Variants in MEGF10 observed in about 807,000 individuals in gnomAD.
MEGF10 encodes the protein multiple epidermal growth factor-like domains protein 10.
Under a neutral mutation model 147.5 loss-of-function variants are expected in MEGF10, and 86 were observed. The observed-to-expected ratio is 0.58, with a 90% CI of 0.49 to 0.70. MEGF10 has a LOEUF of 0.70. Among genes scored for constraint, MEGF10 ranks in the 30% least tolerant of loss-of-function variants. MEGF10 has a pLI of 0.00. For missense variants in MEGF10, 1,329 were observed against 1,487.3 expected (o/e 0.89, Z 1.75); for synonymous variants, 478 against 525.5 (o/e 0.91, Z 1.24).
Position 127,296,496 on chromosome 5 carries a change from A to T in MEGF10, c.-19+5440A>T, listed in dbSNP as rs140756978. ...TATGGAAAACCTCATCTTGATAGGT[A>T]CATGTGCAGGATATTAGCATCTGTT... On this transcript the variant is annotated intron_variant, in intron 1 of 24. Transcript: ENST00000503335. 3.9e-5 allele frequency among the ~76,000 whole-genome samples: 6 copies of T among 152,336 alleles called. No homozygotes were observed. The East Asian group carries it at 9.6e-4, about 24-fold the overall frequency.
At chr5:127,348,838 C>G (rs1203536433) in intron 4 of MEGF10, among the ~76,000 whole-genome samples, 1 of 152,078 alleles carries the variant, frequency 6.6e-6, no homozygotes, top group Non-Finnish European at 1.5e-5. Flanking sequence ...TTAAATAATT[C>G]AGCTTCCAGG....
intron 1 of MEGF10, among the ~76,000 whole-genome samples, chr5:127,301,152 C>T (rs555194339): frequency 2.6e-5 from 4 of 152,224 alleles, no homozygotes; most frequent in Non-Finnish European, 5.9e-5. Context: ...CTCCGTCACT[C>T]ATTTCCACTG....
chr5:127,417,127 T>G (rs539771987), intron 9 of MEGF10, among the ~76,000 whole-genome samples: 1 of 152,240 alleles, frequency 6.6e-6, no homozygotes, highest in Non-Finnish European at 1.5e-5. Flanking sequence ...GATATGTCCA[T>G]TTGCTATGGA....
rs137921923 is a variant in MEGF10 at position 127,320,094 on chromosome 5, G to A, written c.-18-11197G>A. Among the ~76,000 whole-genome samples the A allele has an allele frequency of 1.2e-3, 180 of 152,286 alleles. 1 individual carries two copies. Among genetic ancestry groups the A allele is most frequent in the African/African-American group, 4.2e-3 (173 of 41,574 alleles). ...GGCATTCTGGAGGTTTATAAGAAAA[G>A]CAAAGAGAAAATATCACTCTCATTA... On this transcript the variant is annotated intron_variant, in intron 1 of 24. Coordinates refer to ENST00000503335, the MANE Select transcript of MEGF10 (RefSeq NM_001256545.2).
chr5:127,356,910 C>G (rs545690517), intron 4 of MEGF10, among the ~76,000 whole-genome samples: 1 of 152,264 alleles, frequency 6.6e-6, no homozygotes, highest in East Asian at 1.9e-4. Context: ...CTTTTTTGAC[C>G]ATGGAATTCC....
At chr5:127,243,848 A>T in the MEGF10 span, among the ~76,000 whole-genome samples, 1 of 152,272 alleles carries the variant, frequency 6.6e-6, no homozygotes, top group Non-Finnish European at 1.5e-5. Flanking sequence ...AAAAATCACC[A>T]GTCAAAATCT....
intron 1 of MEGF10, among the ~76,000 whole-genome samples, chr5:127,329,618 C>T (rs548253095): frequency 2.0e-5 from 3 of 151,868 alleles, no homozygotes; most frequent in South Asian, 4.2e-4. Context: ...ATATTAAAAA[C>T]TTCTTGGCAT....
At chr5:127,264,823 T>TC in the MEGF10 span, among the ~76,000 whole-genome samples, 1 of 152,176 alleles carries the variant, frequency 6.6e-6, no homozygotes, top group African/African-American at 2.4e-5. Flanking sequence ...ACTTTTTTTT[T>TC]CATTTCTGGG....
At chr5:127,395,048 T>A (rs983440283) in intron 5 of MEGF10, among the ~76,000 whole-genome samples, 6 of 152,222 alleles carry the variant, frequency 3.9e-5, no homozygotes, top group Non-Finnish European at 8.8e-5. Context: ...TCTGTTGAAG[T>A]TACAAAATTT....
At chr5:127,413,505 T>C (rs567073655) in intron 9 of MEGF10, among the ~76,000 whole-genome samples, 2 of 152,340 alleles carry the variant, frequency 1.3e-5, no homozygotes, top group South Asian at 4.1e-4. Flanking sequence ...TTATATAGTA[T>C]TGGACTTTTG....
intron 1 of MEGF10, among the ~76,000 whole-genome samples, chr5:127,324,016 T>C (rs539309137): frequency 1.3e-5 from 2 of 152,180 alleles, no homozygotes; most frequent in Admixed American, 1.3e-4. Flanking sequence ...AAGTTTATCA[T>C]TTTTGTAATA....
chr5:127,269,628 G>T, the MEGF10 span, among the ~76,000 whole-genome samples: 2 of 152,214 alleles, frequency 1.3e-5, no homozygotes, highest in East Asian at 3.8e-4. Context: ...GTACCTGAAA[G>T]TGATGGAGAG....
intron 13 of MEGF10, among the ~76,000 whole-genome samples, chr5:127,426,948 C>T (rs1765226424): frequency 6.6e-6 from 1 of 152,216 alleles, no homozygotes; most frequent in South Asian, 2.1e-4. Context: ...CCCCACCTCA[C>T]ACCTACTAAA....
intron 4 of MEGF10, among the ~76,000 whole-genome samples, chr5:127,358,831 T>A (rs27563): frequency 0.6 from 91,250 of 152,062 alleles, 27,628 homozygotes; most frequent in Middle Eastern, 0.76. Flanking sequence ...TTTTGATGTT[T>A]TAGTCCATTA....
the MEGF10 span, among the ~76,000 whole-genome samples, chr5:127,265,073 C>T: frequency 1.3e-5 from 2 of 152,166 alleles, no homozygotes; most frequent in African/African-American, 4.8e-5. Flanking sequence ...CTCCCTTCCC[C>T]CTCACCACAA....
chr5:127,404,149 G>C (rs541484009), intron 8 of MEGF10, among the ~76,000 whole-genome samples: 33 of 151,978 alleles, frequency 2.2e-4, no homozygotes, highest in Non-Finnish European at 2.1e-4. Context: ...ACTGGCTTGA[G>C]ATTATATCTC....
the MEGF10 span, among the ~76,000 whole-genome samples, chr5:127,274,595 CT>C: frequency 6.6e-6 from 1 of 151,900 alleles, no homozygotes; most frequent in Non-Finnish European, 1.5e-5. Flanking sequence ...TATTTTAAAA[CT>C]TCTAAAATCA....
At chr5:127,285,483 C>T in the MEGF10 span, among the ~76,000 whole-genome samples, 4 of 152,022 alleles carry the variant, frequency 2.6e-5, no homozygotes, top group East Asian at 7.7e-4. Flanking sequence ...TTACCACCAA[C>T]AAAAAAGTCT....
rs150643800 is a variant in MEGF10, at chr5:127,424,715, A to C, written c.1693+1943A>C. The C allele has an allele frequency of 3.6e-3, 900 of 246,928 alleles. 9 individuals carry two copies. The highest frequency in any genetic ancestry group is 0.019 in the African/African-American group (850 of 43,850). The allele number at this position is 246,928 out of a possible 1,614,324, so 15.3% of individuals were successfully genotyped here. ...TACCCACAGACACGAGGCCTCCCCA[A>C]CCCTGTAGTTCCATCTTGACTTGCA... On this transcript the variant is annotated intron_variant, in intron 13 of 24. Transcript: ENST00000503335.
Sources: gnomAD v4.1 joint callset for allele counts (sites outside exome capture counted in the v4.1 genomes callset) on GRCh38, gnomAD v4.1.1 for gene constraint, MANE v1.5 for transcripts, NCBI Gene and HGNC (gene_info 2026-07-23, HGNC 2026-07-21) for gene names.